Variants in NEBL observed in about 807,000 individuals in gnomAD.
NEBL encodes the protein LIM and SH3 protein 2.
In NEBL, 122 loss-of-function variants were observed where a neutral mutation model predicts 140.2. The observed-to-expected ratio is 0.87, with a 90% CI of 0.75 to 1.01. The LOEUF (loss-of-function observed/expected upper bound fraction) is 1.01, where lower values mean the gene tolerates loss of function less well. Among genes scored for constraint, NEBL ranks in the 50% least tolerant of loss-of-function variants. The pLI is 0.00. For missense variants in NEBL, 1,365 were observed against 1,231.3 expected (o/e 1.11, Z -1.62); for synonymous variants, 436 against 398.9 (o/e 1.09, Z -1.11).
At chr10:21,033,714 T>A (rs1833890767) in intron 2 of NEBL, among the ~76,000 whole-genome samples, 1 of 144,210 alleles carries the variant, frequency 6.9e-6, no homozygotes, top group Non-Finnish European at 1.5e-5. Context: ...CACTCCAGCC[T>A]GGCAACAAGA....
intron 26 of NEBL, among the ~76,000 whole-genome samples, chr10:20,795,481 A>T (rs1054530499): frequency 1.3e-5 from 2 of 152,170 alleles, no homozygotes; most frequent in African/African-American, 4.8e-5. Flanking sequence ...ATCATTTCTG[A>T]AGCAATGACT....
chr10:21,234,090 A>AGGACT (rs146397626), intron 3 of NEBL, among the ~76,000 whole-genome samples: 15 of 139,760 alleles, frequency 1.1e-4, no homozygotes, highest in East Asian at 2.1e-4. Context: ...TATTATTTTT[A>AGGACT]GGACTGGACT....
At chr10:20,868,473 T>G in intron 7 of NEBL, 191 bp downstream of exon 7, 1 of 580,976 alleles carries the variant, frequency 1.7e-6, no homozygotes. Flanking sequence ...GTTTTATGCT[T>G]AAAATTAGAC....
At chr10:20,890,610 G>C (rs1243558437) in intron 2 of NEBL, among the ~76,000 whole-genome samples, 1 of 152,114 alleles carries the variant, frequency 6.6e-6, no homozygotes, top group African/African-American at 2.4e-5. Context: ...ATTCCAGAAG[G>C]CCTTCTTGCT....
intron 7 of NEBL, among the ~76,000 whole-genome samples, chr10:20,865,468 G>T (rs991818521): frequency 1.7e-4 from 26 of 152,090 alleles, no homozygotes; most frequent in African/African-American, 6.3e-4. Flanking sequence ...TTTAACCCAG[G>T]TACAGCCCAG....
intron 3 of NEBL, among the ~76,000 whole-genome samples, chr10:20,966,200 A>G (rs1258683463): frequency 6.6e-6 from 1 of 152,224 alleles, no homozygotes; most frequent in Non-Finnish European, 1.5e-5. Context: ...TTGACATTCT[A>G]CGTGTCTGTG....
chr10:21,052,035 T>C (rs1589177663), intron 2 of NEBL, among the ~76,000 whole-genome samples: 1 of 152,040 alleles, frequency 6.6e-6, no homozygotes, highest in African/African-American at 2.4e-5. Context: ...AGAGGAGATA[T>C]TCACATGGTT....
chr10:21,185,736 A>T (rs2132210732), intron 3 of NEBL, among the ~76,000 whole-genome samples: 1 of 151,790 alleles, frequency 6.6e-6, no homozygotes, highest in Middle Eastern at 3.4e-3. Context: ...ACCTCAGTTG[A>T]TCCACCTCGC....
chr10:21,282,256 C>G (rs931324461), intron 1 of NEBL, among the ~76,000 whole-genome samples: 1 of 152,088 alleles, frequency 6.6e-6, no homozygotes, highest in Admixed American at 6.5e-5. Flanking sequence ...GAGCTCTCTG[C>G]GGGGGTAGAG....
intron 3 of NEBL, among the ~76,000 whole-genome samples, chr10:21,208,952 G>A (rs1841872639): frequency 6.6e-6 from 1 of 152,208 alleles, no homozygotes; most frequent in Non-Finnish European, 1.5e-5. Flanking sequence ...GATAGGAACT[G>A]AACTATGGTG....
intron 4 of NEBL, among the ~76,000 whole-genome samples, chr10:20,928,614 A>G (rs1834025363): frequency 6.6e-6 from 1 of 152,310 alleles, no homozygotes. Flanking sequence ...AACTGTAGAC[A>G]TATTTTCTGC....
intron 2 of NEBL, among the ~76,000 whole-genome samples, chr10:21,031,656 C>T (rs1196576159): frequency 6.6e-6 from 1 of 152,214 alleles, no homozygotes; most frequent in Non-Finnish European, 1.5e-5. Context: ...AAGAACAGAA[C>T]AGAGTCAGCC....
At chr10:21,088,485 TA>T (rs1467235457) in intron 2 of NEBL, among the ~76,000 whole-genome samples, 1 of 152,088 alleles carries the variant, frequency 6.6e-6, no homozygotes, top group Non-Finnish European at 1.5e-5. Flanking sequence ...TTCTGTCTCT[TA>T]AAAAACAAAA....
At chr10:20,799,216 C>T (rs1394758266) in intron 26 of NEBL, among the ~76,000 whole-genome samples, 2 of 152,082 alleles carry the variant, frequency 1.3e-5, no homozygotes, top group Non-Finnish European at 2.9e-5. Context: ...AGTGCAGTGG[C>T]GCAATCTTGG....
chr10:21,187,113 A>G (rs1288031255), intron 3 of NEBL, among the ~76,000 whole-genome samples: 1 of 151,982 alleles, frequency 6.6e-6, no homozygotes, highest in African/African-American at 2.4e-5. Flanking sequence ...GCAAGTACGT[A>G]CCTATGTATA....
chr10:20,900,654 T>C (rs1847823906), upstream of NEBL, among the ~76,000 whole-genome samples: 3 of 145,530 alleles, frequency 2.1e-5, no homozygotes, highest in Admixed American at 2.1e-4. Flanking sequence ...TGAAACCCCA[T>C]CTCTACTAAA....
chr10:21,161,205 A>AT (rs1232299143), intron 2 of NEBL, among the ~76,000 whole-genome samples: 2 of 151,660 alleles, frequency 1.3e-5, no homozygotes, highest in Non-Finnish European at 2.9e-5. Flanking sequence ...ATTTTTTGTT[A>AT]TTTTTTATTA....
chr10:21,042,917 T>C (rs1363550006), intron 2 of NEBL, among the ~76,000 whole-genome samples: 2 of 152,246 alleles, frequency 1.3e-5, no homozygotes, highest in African/African-American at 2.4e-5. Flanking sequence ...AGTAGCTAAC[T>C]CCATTGAACC....
chr10:21,245,861 A>C (rs1305012402), intron 3 of NEBL, among the ~76,000 whole-genome samples: 1 of 152,258 alleles, frequency 6.6e-6, no homozygotes, highest in East Asian at 1.9e-4. Context: ...ACGCCTGGCT[A>C]ATTTTTTGTA....
Sources: allele counts gnomAD v4.1 joint callset (sites outside exome capture counted in the v4.1 genomes callset), GRCh38; gene constraint gnomAD v4.1.1; transcripts MANE v1.5; gene names NCBI Gene and HGNC (gene_info 2026-07-23, HGNC 2026-07-21).